CCDC93: variants seen among roughly 807,000 people sequenced by gnomAD.
CCDC93 encodes coiled-coil domain-containing protein 93.
CCDC93 carries 61 observed loss-of-function variants against 108.2 expected under a neutral mutation model. The observed-to-expected ratio is 0.56, with a 90% CI of 0.46 to 0.70. CCDC93 has a LOEUF of 0.70. CCDC93 is among the 30% of genes least tolerant of loss of function. CCDC93 has a pLI of 0.00. For synonymous variants in CCDC93, 276 were observed against 260.4 expected (o/e 1.06, Z -0.58); for missense variants, 685 against 764.2 (o/e 0.90, Z 1.22).
At chr2:117,939,790 A>C (rs1213023407) in intron 19 of CCDC93, among the ~76,000 whole-genome samples, 1 of 152,170 alleles carries the variant, frequency 6.6e-6, no homozygotes, top group African/African-American at 2.4e-5. Flanking sequence ...GGAGAGGCCA[A>C]GTCCTCAAGG....
intron 6 of CCDC93, among the ~76,000 whole-genome samples, chr2:117,988,830 C>A (rs1390276657): frequency 2.6e-5 from 4 of 152,194 alleles, no homozygotes; most frequent in African/African-American, 9.7e-5. Flanking sequence ...TCCAGTGACA[C>A]CCCTCACCCC....
chr2:117,937,701 G>C (rs898632154), intron 20 of CCDC93, among the ~76,000 whole-genome samples: 2 of 152,196 alleles, frequency 1.3e-5, no homozygotes, highest in Admixed American at 6.5e-5. Context: ...CCTAAGTCAG[G>C]GTTGGCAAAT....
intron 6 of CCDC93, among the ~76,000 whole-genome samples, chr2:117,992,178 T>TA (rs1444054995): frequency 1.3e-5 from 2 of 152,180 alleles, no homozygotes; most frequent in Non-Finnish European, 2.9e-5. Context: ...AGTTCACTCA[T>TA]AAAAAAGGAA....
intron 3 of CCDC93, among the ~76,000 whole-genome samples, chr2:118,006,482 A>G (rs1223681568): frequency 6.6e-6 from 1 of 152,196 alleles, no homozygotes; most frequent in African/African-American, 2.4e-5. Flanking sequence ...TTTCTAATCA[A>G]CTTCCACTGA....
intron 7 of CCDC93, among the ~76,000 whole-genome samples, chr2:117,985,149 A>C (rs954951224): frequency 6.0e-5 from 9 of 151,164 alleles, no homozygotes; most frequent in Non-Finnish European, 7.4e-5. Context: ...AACAAAACAA[A>C]AAAAAAAAAA....
At chr2:117,939,630 G>A (rs1274567492) in intron 19 of CCDC93, among the ~76,000 whole-genome samples, 3 of 152,192 alleles carry the variant, frequency 2.0e-5, no homozygotes, top group Admixed American at 1.3e-4. Context: ...ACTACTTTCT[G>A]CTGAAAACTG....
chr2:117,998,782 AC>A (rs1194215701), intron 4 of CCDC93: 1 of 152,208 alleles, frequency 6.6e-6, no homozygotes, highest in African/African-American at 2.4e-5. Context: ...AAAGGTAACA[AC>A]TTCACAGTTT....
rs1018521276 is a variant in CCDC93, at chr2:117,979,620, T to A, written c.621-1590A>T. Among the ~76,000 whole-genome samples, 10 of 152,340 alleles carry A rather than the reference T, an allele frequency of 6.6e-5. No homozygotes were observed. In the East Asian group the frequency reaches 1.9e-3, roughly 29 times the overall value. On this transcript the variant is annotated intron_variant, in intron 7 of 23. Coordinates refer to ENST00000376300, the MANE Select transcript of CCDC93 (RefSeq NM_019044.5). ...AAAAATCAAGAAGCCAAAAGTATCA[T>A]CTGACCTTGCAACAGATTGTCATAT...
chr2:117,969,610 G>A (rs576424624), intron 11 of CCDC93, among the ~76,000 whole-genome samples: 18 of 152,198 alleles, frequency 1.2e-4, no homozygotes, highest in Non-Finnish European at 2.1e-4. Context: ...ATGTTGGTGG[G>A]AGGCTGACTT....
At chr2:117,960,294 G>A (rs1330866388) in intron 11 of CCDC93, among the ~76,000 whole-genome samples, 2 of 152,158 alleles carry the variant, frequency 1.3e-5, no homozygotes, top group Non-Finnish European at 2.9e-5. Flanking sequence ...TTATGCTTCA[G>A]TATCCTGACC....
chr2:117,985,999 C>G lies in CCDC93; in HGVS notation c.590G>C (p.Arg197Pro), dbSNP rs754008225. The G allele has an allele frequency of 6.2e-7, 1 of 1,613,042 alleles. No individual in the cohort carries two copies. The highest frequency in any genetic ancestry group is 1.1e-5 in the South Asian group (1 of 91,038). ...ATATTCCAAAAGTGTAGCATGGATT[C>G]GAGATTCTTCATCAAGTAGCTCCTC... ...GAEELLDEES[R>P]IHATLLEYGR... The change falls in exon 7 of 24, where the codon CGA becomes CCA. Residue 197 changes from arginine (R) to proline (P), a missense_variant. Physicochemically the swap from Arg to Pro is moderately radical, Grantham distance 103 (BLOSUM62 -2). Coordinates refer to ENST00000376300, the MANE Select transcript of CCDC93 (RefSeq NM_019044.5).
intron 6 of CCDC93, among the ~76,000 whole-genome samples, chr2:117,993,353 G>A (rs571667932): frequency 3.4e-5 from 5 of 145,130 alleles, no homozygotes; most frequent in East Asian, 2.1e-4. Flanking sequence ...CCGAGACAGC[G>A]CCACTGCACT....
intron 6 of CCDC93, among the ~76,000 whole-genome samples, chr2:117,989,918 C>T (rs766762896): frequency 6.6e-6 from 1 of 152,194 alleles, no homozygotes; most frequent in African/African-American, 2.4e-5. Flanking sequence ...GGACTGGTAA[C>T]TTTAAATGGC....
In CCDC93 at chr2:117,918,764, G is replaced by A. The variant is rs544003034; in HGVS notation, c.*1579C>T. 1 of 152,060 alleles carries A rather than the reference G, an allele frequency of 6.6e-6. No homozygotes were observed. The highest frequency in any genetic ancestry group is 1.9e-4 in the East Asian group (1 of 5,196). The allele number at this position is 152,060 out of a possible 1,614,324, so 9.4% of individuals were successfully genotyped here. Reference sequence around the variant, plus strand: ...CACGGCTCAGGGACCAGCTGAGGTGGAGCTGCACATGACCCAAGAAGCGCT... The same window carrying A: ...CACGGCTCAGGGACCAGCTGAGGTGAAGCTGCACATGACCCAAGAAGCGCT... On this transcript the variant is annotated 3_prime_UTR_variant, in exon 24 of 24. Transcript: ENST00000376300.
chr2:117,985,515 T>C (rs1213367725), intron 7 of CCDC93: 14 of 575,968 alleles, frequency 2.4e-5, no homozygotes, highest in Non-Finnish European at 3.0e-5. Context: ...ACTAAGGATA[T>C]AAAATAAGAT....
chr2:117,962,412 G>C (rs771083030), intron 11 of CCDC93, among the ~76,000 whole-genome samples: 14 of 152,194 alleles, frequency 9.2e-5, no homozygotes, highest in Non-Finnish European at 1.5e-4. Context: ...CAGAGGCCAA[G>C]GTGAGTGGAT....
At chr2:117,925,714 C>G (rs1392229744) in intron 23 of CCDC93, among the ~76,000 whole-genome samples, 1 of 152,102 alleles carries the variant, frequency 6.6e-6, no homozygotes, top group East Asian at 1.9e-4. Context: ...ATCAACAAGA[C>G]AGAAAGATAA....
chr2:117,931,348 T>C (rs1678320552), intron 22 of CCDC93, 198 bp from the exon 23 acceptor site: 3 of 514,696 alleles, frequency 5.8e-6, no homozygotes, highest in East Asian at 6.7e-5. Flanking sequence ...GCAATTTTTC[T>C]ATCACTGAGT....
chr2:117,956,994 A>G (rs7594903), intron 12 of CCDC93, among the ~76,000 whole-genome samples: 147,773 of 151,932 alleles, frequency 0.97, 71,998 homozygotes, highest in Middle Eastern at 1. Flanking sequence ...GGTTTCAAGC[A>G]ATTCTCCTGC....
Sources: gnomAD v4.1 joint callset for allele counts (sites outside exome capture counted in the v4.1 genomes callset) on GRCh38, gnomAD v4.1.1 for gene constraint, MANE v1.5 for transcripts, NCBI Gene and HGNC (gene_info 2026-07-23, HGNC 2026-07-21) for gene names.